CD109: variants seen among roughly 807,000 people sequenced by gnomAD.
The protein encoded by CD109 is CD109 antigen.
A neutral mutation model predicts 165.8 loss-of-function variants in CD109; 149 were observed. The observed-to-expected ratio is 0.90, with a 90% CI of 0.79 to 1.03. The LOEUF (loss-of-function observed/expected upper bound fraction) is 1.03, where lower values mean the gene tolerates loss of function less well. CD109 is among the 50% of genes least tolerant of loss of function. The pLI, the probability that CD109 is intolerant of heterozygous loss-of-function variation, is 0.00. For synonymous variants in CD109, 585 were observed against 592.1 expected, an observed-to-expected ratio of 0.99 and a Z score of 0.18; for missense variants, 1,712 against 1,677.8, an observed-to-expected ratio of 1.02 and a Z score of -0.36.
the CD109 span, among the ~76,000 whole-genome samples, chr6:73,688,625 T>C: frequency 6.6e-6 from 1 of 152,122 alleles, no homozygotes; most frequent in Non-Finnish European, 1.5e-5. Context: ...AAGCTATGAT[T>C]AGAAGCCTGG....
intron 2 of CD109, among the ~76,000 whole-genome samples, chr6:73,717,721 G>T (rs1771794392): frequency 1.3e-5 from 2 of 150,276 alleles, no homozygotes; most frequent in African/African-American, 4.9e-5. Flanking sequence ...CCGGGTTCAG[G>T]GCATTCTCCT....
chr6:73,763,194 T>C (rs1773701972), intron 9 of CD109, among the ~76,000 whole-genome samples: 1 of 152,234 alleles, frequency 6.6e-6, no homozygotes, highest in East Asian at 1.9e-4. Context: ...CTTTTTAAAA[T>C]CACTGAAATC....
intron 20 of CD109, 82 bp downstream of exon 20, chr6:73,785,559 C>T: frequency 1.4e-6 from 1 of 711,008 alleles, no homozygotes; most frequent in Non-Finnish European, 2.3e-6. Flanking sequence ...TGTGTAGTAT[C>T]TGGGCATTTG....
At position 73,761,014 on chromosome 6, in the gene CD109, AACACACACACACACAC is replaced by A. The variant is rs577598100; in HGVS notation, c.759-1328_759-1313del. Reference sequence around the variant, plus strand: ...GGGTGACAGAGTGAGACTGTGTCTAAACACACACACACACACACACACACACACACACACACACACA... The same window carrying A: ...GGGTGACAGAGTGAGACTGTGTCTAAACACACACACACACACACACACACA... On this transcript the variant is annotated intron_variant, in intron 7 of 32. Coordinates refer to ENST00000287097, the MANE Select transcript of CD109 (RefSeq NM_133493.5). 4.7e-3 allele frequency among the ~76,000 whole-genome samples: 588 copies of A among 124,400 alleles called. 1 individual carries two copies. The highest frequency in any genetic ancestry group is 8.5e-3 in the African/African-American group (269 of 31,670). 81.6% of individuals were successfully genotyped at this position (124,400 alleles called of 152,430 possible). A position where few individuals can be genotyped will look rare whatever the true frequency, so the allele number is the denominator to read the frequency against.
chr6:73,816,842 G>A (rs1775954151), intron 30 of CD109, among the ~76,000 whole-genome samples: 1 of 152,132 alleles, frequency 6.6e-6, no homozygotes, highest in Non-Finnish European at 1.5e-5. Context: ...GAAGAAACAT[G>A]AGAAAAATGA....
chr6:73,688,773 T>A, the CD109 span, among the ~76,000 whole-genome samples: 1 of 135,250 alleles, frequency 7.4e-6, no homozygotes, highest in South Asian at 2.5e-4. Context: ...TTTTTTTTTT[T>A]TTTTTTTTTT....
intron 23 of CD109, among the ~76,000 whole-genome samples, chr6:73,801,677 A>G (rs941163291): frequency 6.6e-6 from 1 of 152,184 alleles, no homozygotes; most frequent in African/African-American, 2.4e-5. Flanking sequence ...CAAACCATTA[A>G]TGCTTATGTT....
chr6:73,779,141 T>G lies in CD109; in HGVS notation c.1828-1283T>G, dbSNP rs1301797305. Among the ~76,000 whole-genome samples, 3 of 152,336 alleles carry G rather than the reference T, an allele frequency of 2.0e-5. No homozygotes were observed. The East Asian group carries it at 5.8e-4, about 29-fold the overall frequency. ...ACTTCTGTCTTTATGAATTTACCTA[T>G]TCTAGATATTTCACATTTATATAAT... On this transcript the variant is annotated intron_variant, in intron 15 of 32. Coordinates refer to ENST00000287097, the MANE Select transcript of CD109 (RefSeq NM_133493.5).
chr6:73,821,052 G>T (rs1272275146), intron 32 of CD109, among the ~76,000 whole-genome samples: 1 of 151,994 alleles, frequency 6.6e-6, no homozygotes, highest in Non-Finnish European at 1.5e-5. Context: ...GCAAACTATC[G>T]CAAGGACAAA....
intron 2 of CD109, among the ~76,000 whole-genome samples, chr6:73,704,380 A>G (rs1254602524): frequency 6.6e-6 from 1 of 152,108 alleles, no homozygotes; most frequent in Non-Finnish European, 1.5e-5. Context: ...CTCCTCGTGG[A>G]CTTTCATGTT....
At chr6:73,814,148 T>C (rs1582203842) in intron 29 of CD109, among the ~76,000 whole-genome samples, 1 of 151,948 alleles carries the variant, frequency 6.6e-6, no homozygotes, top group East Asian at 1.9e-4. Context: ...TATTAGATGT[T>C]AGTTCTGAGG....
intron 11 of CD109, among the ~76,000 whole-genome samples, chr6:73,766,516 T>G (rs1562055145): frequency 1.7e-5 from 2 of 118,686 alleles, no homozygotes; most frequent in African/African-American, 7.0e-5. Context: ...CATATATATG[T>G]ATATGTATAT....
chr6:73,816,802 G>GAGAT (rs1350923893), intron 30 of CD109, among the ~76,000 whole-genome samples: 1 of 152,162 alleles, frequency 6.6e-6, no homozygotes, highest in African/African-American at 2.4e-5. Flanking sequence ...TTAAGAGAGG[G>GAGAT]AGATTTTTAC....
In CD109 at chr6:73,827,477, T is replaced by A. The variant is rs1480400290; in HGVS notation, c.*3844T>A. 1 of 152,118 alleles carries A rather than the reference T, an allele frequency of 6.6e-6. No individual in the cohort carries two copies. The highest frequency in any genetic ancestry group is 2.4e-5 in the African/African-American group (1 of 41,444). 9.4% of individuals were successfully genotyped at this position (152,118 alleles called of 1,614,324 possible). ...TTTCTATCATCTATGCAAATGATAT[T>A]TATGTTAATATTAAATATCTTATGT... On this transcript the variant is annotated 3_prime_UTR_variant, in exon 33 of 33. Transcript: ENST00000287097.
rs200081535 is a variant in CD109 at position 73,707,962 on chromosome 6, TTATA to T, written c.247+10434_247+10437del. On this transcript the variant is annotated intron_variant, in intron 2 of 32. Transcript: ENST00000287097. ...GAACTTTGATTTAAAATTGTTATCT[TTATA>T]TATATATATATATATATATATATAT... Among the ~76,000 whole-genome samples the T allele has an allele frequency of 3.8e-3, 480 of 126,572 alleles. 5 individuals carry two copies. The highest frequency in any genetic ancestry group is 0.01 in the African/African-American group (307 of 30,366). The allele number at this position is 126,572 out of a possible 152,430, so 83.0% of individuals were successfully genotyped here.
intron 2 of CD109, among the ~76,000 whole-genome samples, chr6:73,708,417 G>C (rs9446990): frequency 0.12 from 18,125 of 152,134 alleles, 1,231 homozygotes; most frequent in African/African-American, 0.19. Flanking sequence ...ATTTGGGTTG[G>C]TTCCAAGTCT....
intron 22 of CD109, among the ~76,000 whole-genome samples, chr6:73,791,160 T>TACACAC (rs1275595339): frequency 3.0e-5 from 1 of 33,418 alleles, no homozygotes; most frequent in African/African-American, 1.2e-4. Flanking sequence ...TATATATATA[T>TACACAC]ATATATATAT....
chr6:73,807,987 C>A, intron 25 of CD109, 96 bp from the exon 26 acceptor site: 1 of 1,097,038 alleles, frequency 9.1e-7, no homozygotes, highest in Non-Finnish European at 1.3e-6. Flanking sequence ...AGACACTGAA[C>A]TTATTTTTTA....
At position 73,697,413 on chromosome 6, in the gene CD109, G is replaced by C; in HGVS notation, c.88G>C (p.Val30Leu). 6.2e-7 allele frequency: 1 copy of C among 1,613,946 alleles called. No homozygotes were observed. Among genetic ancestry groups the C allele is most frequent in the Non-Finnish European group, 8.5e-7 (1 of 1,179,980 alleles). Residue 30 changes from valine to leucine, a missense_variant, in exon 2 of 33, where the codon GTG (valine) becomes CTG (leucine). Val to Leu is a conservative substitution (Grantham distance 32). Coordinates refer to ENST00000287097, the MANE Select transcript of CD109 (RefSeq NM_133493.5). ...GGAACTCTTTAGGCCTCGGTTTCTG[G>C]TGACAGCCCCAGGGATCATCAGGCC... is the stretch of plus-strand genomic sequence containing the variant. The part of the protein sequence containing the change: ...LAVAPGPRFL[V>L]TAPGIIRPGG...
Sources: gnomAD v4.1 joint callset for allele counts (sites outside exome capture counted in the v4.1 genomes callset) on GRCh38, gnomAD v4.1.1 for gene constraint, MANE v1.5 for transcripts, NCBI Gene and HGNC (gene_info 2026-07-23, HGNC 2026-07-21) for gene names.